Variants in SH2D1A observed in about 807,000 individuals in gnomAD.
SH2D1A encodes the protein SH2 domain-containing protein 1A.
SH2D1A carries 6 observed loss-of-function variants against 10.1 expected under a neutral mutation model. The ratio of observed to expected loss-of-function variants is 0.60; its 90% CI spans 0.33 to 1.18. The LOEUF is 1.18. Among genes scored for constraint, SH2D1A ranks in the 50% most tolerant of loss-of-function variants. The probability of loss-of-function intolerance (pLI) is 0.04; values close to 1 mark genes in which losing one functional copy is unlikely to be tolerated. For missense variants in SH2D1A, 51 were observed against 97.6 expected (o/e 0.52, Z 2.01); for synonymous variants, 42 against 36.9 (o/e 1.14, Z -0.51).
chrX:124,356,348 C>G (rs2060026528), intron 1 of SH2D1A, among the ~76,000 whole-genome samples: 1 of 111,921 alleles, frequency 8.9e-6, no homozygotes, highest in Non-Finnish European at 1.9e-5. Context: ...ATTACACATG[C>G]TATCATTTTA....
chrX:124,348,620 C>T (rs1200994622), intron 1 of SH2D1A, among the ~76,000 whole-genome samples: 1 of 111,538 alleles, frequency 9.0e-6, no homozygotes, highest in Non-Finnish European at 1.9e-5. Flanking sequence ...TCTCCCTGTC[C>T]CTGATACACT....
chrX:124,359,815 C>A (rs2060035668), intron 1 of SH2D1A, among the ~76,000 whole-genome samples: 1 of 111,973 alleles, frequency 8.9e-6, no homozygotes, highest in Admixed American at 9.5e-5. Flanking sequence ...ACCTTTTGTT[C>A]AGTGTCACGA....
intron 1 of SH2D1A, among the ~76,000 whole-genome samples, chrX:124,355,397 C>T (rs1389209909): frequency 8.9e-6 from 1 of 112,034 alleles, no homozygotes; most frequent in Non-Finnish European, 1.9e-5. Flanking sequence ...ACTAGATTAA[C>T]ACATGCTTTA....
At chrX:124,359,311 T>C (rs774568577) in intron 1 of SH2D1A, among the ~76,000 whole-genome samples, 2 of 112,053 alleles carry the variant, frequency 1.8e-5, no homozygotes, top group African/African-American at 3.2e-5. Context: ...AGTAGGGAGA[T>C]AGAGTCATTG....
chrX:124,369,252 T>C (rs769561350), intron 2 of SH2D1A, among the ~76,000 whole-genome samples: 1 of 110,845 alleles, frequency 9.0e-6, no homozygotes, highest in African/African-American at 3.3e-5. Flanking sequence ...AAAAAAAAAC[T>C]AGTCATTGTT....
At chrX:124,359,757 C>T (rs936720399) in intron 1 of SH2D1A, among the ~76,000 whole-genome samples, 3 of 111,822 alleles carry the variant, frequency 2.7e-5, no homozygotes, top group African/African-American at 9.8e-5. Flanking sequence ...TCTGGCAATC[C>T]TTCGTAAAAA....
Position 124,346,612 on chromosome X carries a change from C to T in SH2D1A, c.-31C>T. 8.3e-7 allele frequency: 1 copy of T among 1,210,105 alleles called. No homozygotes were observed. The highest frequency in any genetic ancestry group is 1.1e-6 in the Non-Finnish European group (1 of 894,009). ...GCGGCATCTCCCTTGCACAGTTCTC[C>T]TCCTCGGCCTGCCCAAGAGTCCACC... On this transcript the variant is annotated 5_prime_UTR_variant, in exon 1 of 4. Transcript: ENST00000371139.
At chrX:124,347,274 G>C (rs185088368) in intron 1 of SH2D1A, among the ~76,000 whole-genome samples, 225 of 110,412 alleles carry the variant, frequency 2.0e-3, no homozygotes, top group Non-Finnish European at 3.7e-3. Flanking sequence ...GTTAGGTCGA[G>C]ATGCTGAGAG....
At chrX:124,351,785 A>G (rs1279764416) in intron 1 of SH2D1A, among the ~76,000 whole-genome samples, 8 of 110,684 alleles carry the variant, frequency 7.2e-5, no homozygotes, top group African/African-American at 2.3e-4. Flanking sequence ...TTTTTTAAAC[A>G]CACTCTATGT....
intron 1 of SH2D1A, among the ~76,000 whole-genome samples, chrX:124,348,977 G>A (rs1407374821): frequency 3.6e-5 from 4 of 112,354 alleles, no homozygotes; most frequent in Non-Finnish European, 7.5e-5. Context: ...ATTGCCTTAA[G>A]TACCTTATGC....
At chrX:124,368,518 GGT>G (rs1281069365) in intron 2 of SH2D1A, among the ~76,000 whole-genome samples, 1 of 112,144 alleles carries the variant, frequency 8.9e-6, no homozygotes, top group Non-Finnish European at 1.9e-5. Context: ...CCACACTTTA[GGT>G]GTGTATAGTT....
Position 124,365,656 on chromosome X carries a change from G to A in SH2D1A, c.138-105G>A, listed in dbSNP as rs192520549. 3.8e-5 allele frequency: 22 copies of A among 572,765 alleles called. No homozygotes were observed. In the East Asian group the frequency reaches 5.4e-4, roughly 14 times the overall value. The allele number at this position is 572,765 out of a possible 1,213,427, so 47.2% of individuals were successfully genotyped here. A position where few individuals can be genotyped will look rare whatever the true frequency, so the allele number is the denominator to read the frequency against. On this transcript the variant is annotated intron_variant, in intron 1 of 3. Coordinates refer to ENST00000371139, the MANE Select transcript of SH2D1A (RefSeq NM_002351.5). ...CTATGAATGCAATGACACCATATAC[G>A]TGTGTCCTAGTATATGTGACATTTA...
intron 1 of SH2D1A, among the ~76,000 whole-genome samples, chrX:124,348,848 C>T (rs750252526): frequency 6.0e-4 from 67 of 111,964 alleles, no homozygotes; most frequent in African/African-American, 2.0e-3. Context: ...CTGCAATAAA[C>T]GGAATGGCCA....
At position 124,371,393 on chromosome X, in the gene SH2D1A, G is replaced by GA; in HGVS notation, c.*7dup. The GA allele has an allele frequency of 8.8e-7, 1 of 1,134,921 alleles. No homozygotes were observed. Among genetic ancestry groups the GA allele is most frequent in the Non-Finnish European group, 1.2e-6 (1 of 829,207 alleles). The allele number at this position is 1,134,921 out of a possible 1,213,427, so 93.5% of individuals were successfully genotyped here. A position where few individuals can be genotyped will look rare whatever the true frequency, so the allele number is the denominator to read the frequency against. The stretch of plus-strand genomic sequence containing the variant: ...GATGTCTGCCTGAAAGCCCCATGAA[G>GA]AAAAATAAAACACCTTGTACTTTAT... On this transcript the variant is annotated 3_prime_UTR_variant, in exon 4 of 4. Coordinates refer to ENST00000371139, the MANE Select transcript of SH2D1A (RefSeq NM_002351.5).
chrX:124,348,125 A>AT (rs1048182182), intron 1 of SH2D1A, among the ~76,000 whole-genome samples: 4 of 111,746 alleles, frequency 3.6e-5, no homozygotes, highest in Non-Finnish European at 7.5e-5. Flanking sequence ...TGCTAAATAC[A>AT]TTTTTCACAA....
intron 1 of SH2D1A, among the ~76,000 whole-genome samples, chrX:124,356,568 C>T (rs924130174): frequency 1.8e-5 from 2 of 112,363 alleles, no homozygotes; most frequent in African/African-American, 6.5e-5. Context: ...CTGCCTCAGC[C>T]TCCTGTGTGG....
At chrX:124,361,334 T>C (rs1269274768) in intron 1 of SH2D1A, among the ~76,000 whole-genome samples, 1 of 111,945 alleles carries the variant, frequency 8.9e-6, no homozygotes, top group Non-Finnish European at 1.9e-5. Context: ...AGCACCTTGA[T>C]CTTGGACTTC....
intron 1 of SH2D1A, among the ~76,000 whole-genome samples, chrX:124,363,725 C>T (rs1028313849): frequency 9.2e-6 from 1 of 108,648 alleles, no homozygotes; most frequent in Non-Finnish European, 1.9e-5. Context: ...GAAATTCTGT[C>T]TCTACTAAAA....
At chrX:124,359,554 A>G (rs1569527454) in intron 1 of SH2D1A, among the ~76,000 whole-genome samples, 1 of 111,913 alleles carries the variant, frequency 8.9e-6, no homozygotes, top group East Asian at 2.8e-4. Context: ...GCTTATGTTG[A>G]GTTCCCATGG....
Sources: gnomAD v4.1 joint callset for allele counts (sites outside exome capture counted in the v4.1 genomes callset) on GRCh38, gnomAD v4.1.1 for gene constraint, MANE v1.5 for transcripts, NCBI Gene and HGNC (gene_info 2026-07-23, HGNC 2026-07-21) for gene names.